Variants in STK26 observed in about 807,000 individuals in gnomAD.
STK26 encodes the protein serine/threonine kinase 26, also known as serine/threonine-protein kinase 26.
Under a neutral mutation model 34.7 loss-of-function variants are expected in STK26, and 14 were observed. That is an observed-to-expected ratio of 0.40 (90% CI 0.27 to 0.63). STK26 has a LOEUF of 0.63. Ranked by LOEUF, STK26 falls within the 30% of genes least tolerant of loss-of-function variation. STK26 has a pLI of 0.38. For missense variants in STK26, 226 were observed against 309.1 expected (o/e 0.73, Z 2.02); for synonymous variants, 100 against 109.8 (o/e 0.91, Z 0.56).
At chrX:132,039,949 A>G (rs1926200376) in intron 2 of STK26, among the ~76,000 whole-genome samples, 1 of 111,548 alleles carries the variant, frequency 9.0e-6, no homozygotes, top group Admixed American at 9.6e-5. Context: ...AATTCTCTCA[A>G]GAAGGACATA....
chrX:132,069,916 CA>C (rs781478991), intron 7 of STK26, among the ~76,000 whole-genome samples: 1 of 110,800 alleles, frequency 9.0e-6, no homozygotes, highest in Non-Finnish European at 1.9e-5. Context: ...TTTCCTCTTT[CA>C]GGGGGAAATA....
chrX:132,027,861 A>T (rs1338207228), intron 2 of STK26, among the ~76,000 whole-genome samples: 2 of 102,802 alleles, frequency 1.9e-5, no homozygotes, highest in African/African-American at 7.0e-5. Flanking sequence ...TTCTTTTTTA[A>T]TTTTTTTTTT....
chrX:132,062,362 C>T (rs1245335405), intron 3 of STK26, among the ~76,000 whole-genome samples: 1 of 112,196 alleles, frequency 8.9e-6, no homozygotes, highest in African/African-American at 3.2e-5. Flanking sequence ...ACTGATGGTA[C>T]TGAATGGTAT....
chrX:132,036,470 C>T (rs1434130709), intron 2 of STK26, among the ~76,000 whole-genome samples: 1 of 111,363 alleles, frequency 9.0e-6, no homozygotes, highest in Non-Finnish European at 1.9e-5. Context: ...TGGTGCACGC[C>T]TATAATCCCA....
chrX:132,041,938 A>G (rs1284223098), intron 2 of STK26, among the ~76,000 whole-genome samples: 1 of 111,982 alleles, frequency 8.9e-6, no homozygotes, highest in Admixed American at 9.5e-5. Flanking sequence ...GAGAACATGG[A>G]AATAGCTTTA....
rs188003080 is a variant in STK26 at position 132,026,148 on chromosome X, G to A, written c.42+2489G>A. ...CAATTATTTTCTCCCTCTGAGGAGA[G>A]ACGTGAAGTAGAAGCCCAGCTACCT... is the stretch of plus-strand genomic sequence containing the variant. On this transcript the variant is annotated intron_variant, in intron 2 of 11. Coordinates refer to ENST00000394334, the MANE Select transcript of STK26 (RefSeq NM_016542.4). Among the ~76,000 whole-genome samples, 4 of 112,152 alleles carry A rather than the reference G, an allele frequency of 3.6e-5. No homozygotes were observed. In the East Asian group the frequency reaches 1.1e-3, roughly 31 times the overall value.
intron 11 of STK26, among the ~76,000 whole-genome samples, chrX:132,073,486 C>G (rs764445024): frequency 5.3e-4 from 59 of 111,490 alleles, no homozygotes; most frequent in Non-Finnish European, 1.9e-4. Context: ...TGCTAAAGTT[C>G]CTACGTTTGA....
chrX:132,056,547 C>T (rs1926864899), intron 3 of STK26, among the ~76,000 whole-genome samples: 1 of 111,499 alleles, frequency 9.0e-6, no homozygotes, highest in Non-Finnish European at 1.9e-5. Context: ...TTTCTTCCAC[C>T]AGAGAAATCA....
Position 132,071,185 on chromosome X carries a change from T to A in STK26, c.900T>A (p.Ser300Arg), listed in dbSNP as rs1927402483. ...RFKRWKAEGH[S>R]DDESDSEGSD... is the part of the protein sequence containing the mutation. ...AGAGATGGAAGGCAGAAGGACACAGTGATGATGAATCTGATTCCGAGGGCT... is the reference window on the plus strand; with the variant it reads ...AGAGATGGAAGGCAGAAGGACACAGAGATGATGAATCTGATTCCGAGGGCT... The change falls in exon 8 of 12, where the codon AGT (serine) becomes AGA (arginine). Residue 300 changes from serine to arginine, a missense_variant. Physicochemically the swap from Ser to Arg is moderately radical, Grantham distance 110. Transcript: ENST00000394334. The A allele has an allele frequency of 8.3e-7, 1 of 1,210,649 alleles. No homozygotes were observed. The highest frequency in any genetic ancestry group is 1.1e-6 in the Non-Finnish European group (1 of 894,734).
intron 2 of STK26, among the ~76,000 whole-genome samples, chrX:132,029,184 C>T (rs979864879): frequency 9.0e-6 from 1 of 111,563 alleles, no homozygotes; most frequent in Non-Finnish European, 1.9e-5. Flanking sequence ...TACAAAGGTC[C>T]GTCATCATGT....
Position 132,023,346 on chromosome X carries a change from G to A in STK26, c.-172G>A, listed in dbSNP as rs1199673314. The A allele has an allele frequency of 4.0e-6, 2 of 504,480 alleles. No homozygotes were observed. Among genetic ancestry groups the A allele is most frequent in the Non-Finnish European group, 7.3e-6 (2 of 275,687 alleles). The allele number at this position is 504,480 out of a possible 1,213,427, so 41.6% of individuals were successfully genotyped here. Reference sequence around the variant, plus strand: ...CAGCCACCACCACTCACAGCGCTCGGCGTTCAGGAAGAGGAGCAGCAGCGG... The same window carrying A: ...CAGCCACCACCACTCACAGCGCTCGACGTTCAGGAAGAGGAGCAGCAGCGG... On this transcript the variant is annotated 5_prime_UTR_variant, in exon 1 of 12. Coordinates refer to ENST00000394334, the MANE Select transcript of STK26 (RefSeq NM_016542.4).
intron 2 of STK26, among the ~76,000 whole-genome samples, chrX:132,051,495 T>C (rs1476391322): frequency 9.0e-6 from 1 of 111,582 alleles, no homozygotes; most frequent in African/African-American, 3.3e-5. Context: ...CTACAGAACA[T>C]AGAGCTCTTT....
At position 132,023,556 on chromosome X, in the gene STK26, G is replaced by A; in HGVS notation, c.-62G>A. 2.6e-6 allele frequency: 3 copies of A among 1,152,696 alleles called. No individual in the cohort carries two copies. The highest frequency in any genetic ancestry group is 1.8e-5 in the African/African-American group (1 of 56,394). 95.0% of individuals were successfully genotyped at this position (1,152,696 alleles called of 1,213,427 possible). On this transcript the variant is annotated 5_prime_UTR_variant, in exon 2 of 12. Coordinates refer to ENST00000394334, the MANE Select transcript of STK26 (RefSeq NM_016542.4). ...GGCCGCCGAACTACCCCCGGAGGGA[G>A]GAGCCAGTCCGAACCCAAGGCGCCA...
intron 2 of STK26, among the ~76,000 whole-genome samples, chrX:132,049,459 A>T (rs991069419): frequency 8.9e-6 from 1 of 112,459 alleles, no homozygotes; most frequent in African/African-American, 3.2e-5. Flanking sequence ...ATTTATATGC[A>T]TTCTGCTTCT....
intron 2 of STK26, 89 bp downstream of exon 2, chrX:132,023,748 GC>G: frequency 9.4e-7 from 1 of 1,059,479 alleles, no homozygotes; most frequent in Non-Finnish European, 1.3e-6. Context: ...ACAAGGGACG[GC>G]CCCAGGGCTC....
At position 132,058,083 on chromosome X, in the gene STK26, C is replaced by T. The variant is rs186963096; in HGVS notation, c.273+3222C>T. Among the ~76,000 whole-genome samples the T allele has an allele frequency of 6.0e-3, 669 of 111,804 alleles. 5 individuals carry two copies. The highest frequency in any genetic ancestry group is 0.021 in the African/African-American group (632 of 30,742). ...TTTACTACATACATAATTATTTGCT[C>T]CTTTGTGTGATAATTTTGCTGTCAT... On this transcript the variant is annotated intron_variant, in intron 3 of 11. Transcript: ENST00000394334.
At chrX:132,032,119 C>A (rs5933050) in intron 2 of STK26, among the ~76,000 whole-genome samples, 36,943 of 110,698 alleles carry the variant, frequency 0.33, 4,862 homozygotes, top group African/African-American at 0.42. Flanking sequence ...AAAACTCCCC[C>A]TCAGGCTTTT....
intron 8 of STK26, among the ~76,000 whole-genome samples, chrX:132,071,675 C>A (rs1385429426): frequency 2.7e-5 from 3 of 111,692 alleles, no homozygotes; most frequent in Non-Finnish European, 5.6e-5. Context: ...ATTTTTATTT[C>A]TTGAAAAAGT....
intron 2 of STK26, among the ~76,000 whole-genome samples, chrX:132,054,152 ATTTAGATGGCGG>A (rs1926778217): frequency 8.9e-6 from 1 of 112,288 alleles, no homozygotes; most frequent in Non-Finnish European, 1.9e-5. Context: ...GGTCTGTGTT[ATTTAGATGGCGG>A]TTTGGAAGTG....
Sources: gnomAD v4.1 joint callset for allele counts (sites outside exome capture counted in the v4.1 genomes callset) on GRCh38, gnomAD v4.1.1 for gene constraint, MANE v1.5 for transcripts, NCBI Gene and HGNC (gene_info 2026-07-23, HGNC 2026-07-21) for gene names.